Variants in CLN3 observed in about 807,000 individuals in gnomAD.
CLN3 encodes the protein CLN3 lysosomal/endosomal transmembrane protein, battenin.
CLN3 carries 49 observed loss-of-function variants against 60.7 expected under a neutral mutation model. The ratio of observed to expected loss-of-function variants is 0.81; its 90% CI spans 0.64 to 1.02. The LOEUF (loss-of-function observed/expected upper bound fraction) is 1.02, where lower values mean the gene tolerates loss of function less well. CLN3 is among the 50% of genes least tolerant of loss of function. The pLI is 0.00. For synonymous variants in CLN3, 256 were observed against 245.8 expected, an observed-to-expected ratio of 1.04 and a Z score of -0.39; for missense variants, 516 against 557.4, an observed-to-expected ratio of 0.93 and a Z score of 0.75.
Position 28,489,394 on chromosome 16 carries a change from G to T in CLN3, c.126-8C>A. 3 of 1,601,206 alleles carry T rather than the reference G, an allele frequency of 1.9e-6. No individual in the cohort carries two copies. Among genetic ancestry groups the T allele is most frequent in the Non-Finnish European group, 1.7e-6 (2 of 1,171,978 alleles). On this transcript the variant is annotated splice_region_variant and splice_polypyrimidine_tract_variant and intron_variant, in intron 3 of 15. Transcript: ENST00000636147. ...TTGCAAAGGCCCAGCAGCCTGGAAG[G>T]AGCAGGACAGGTCTCAACTCCCTCC... is the stretch of plus-strand genomic sequence containing the variant.
rs1179716299 is a variant in CLN3, at chr16:28,488,326, T to TATATATA, written c.294+264_294+265insTATATAT. 948 of 186,938 alleles carry TATATATA rather than the reference T, an allele frequency of 5.1e-3. 9 individuals are homozygous for TATATATA. The highest frequency in any genetic ancestry group is 0.019 in the African/African-American group (800 of 42,156). The allele number at this position is 186,938 out of a possible 1,614,324, so 11.6% of individuals were successfully genotyped here. ...AAATTATATTAAGGTCTCAATTATT[T>TATATATA]TATATATATATATTTTTTAATTTTT... is the stretch of plus-strand genomic sequence containing the variant. On this transcript the variant is annotated intron_variant, in intron 5 of 15. Transcript: ENST00000636147.
At chr16:28,482,257 C>G in intron 13 of CLN3, 59 bp from the exon 14 acceptor site, 1 of 1,602,558 alleles carries the variant, frequency 6.2e-7, no homozygotes, top group East Asian at 2.2e-5. Flanking sequence ...CCGCTCCCCC[C>G]GGTGCCTACT....
At position 28,484,031 on chromosome 16, in the gene CLN3, T is replaced by G; in HGVS notation, c.765A>C (p.Arg255Ser). The G allele has an allele frequency of 6.2e-7, 1 of 1,611,562 alleles. No individual in the cohort carries two copies. Among genetic ancestry groups the G allele is most frequent in the Non-Finnish European group, 8.5e-7 (1 of 1,178,976 alleles). Residue 255 changes from arginine (R) to serine (S), a missense_variant, in exon 10 of 16, where the codon AGA (arginine) becomes AGC (serine). Arg to Ser is a moderately radical substitution (Grantham distance 110). Coordinates refer to ENST00000636147, the MANE Select transcript of CLN3 (RefSeq NM_001042432.2). ...CTGGCTTCGACTCCGGGGCCTCGGT[T>G]CTTATGAGGGGCTGCCGGGCTGCGC... ...AESAARQPLI[R>S]TEAPESKPGS...
At chr16:28,487,220 GTCT>G in intron 7 of CLN3, 1 of 604,632 alleles carries the variant, frequency 1.7e-6, no homozygotes, top group South Asian at 1.9e-5. Context: ...CCATCACAGA[GTCT>G]TGACTTTGTT....
chr16:28,486,859 G>A (rs2141713319), intron 7 of CLN3: 2 of 637,284 alleles, frequency 3.1e-6, no homozygotes, highest in South Asian at 1.7e-5. Flanking sequence ...CCAGTTATCA[G>A]ACCAGGGGCA....
downstream of CLN3, chr16:28,476,632 G>A (rs1156795710): frequency 6.6e-6 from 1 of 152,160 alleles, no homozygotes; most frequent in Non-Finnish European, 1.5e-5. Context: ...ATGGAACAGT[G>A]AATACATAGA....
At chr16:28,478,896 T>C (rs1468228620) in intron 14 of CLN3, among the ~76,000 whole-genome samples, 3 of 152,138 alleles carry the variant, frequency 2.0e-5, no homozygotes, top group Admixed American at 1.3e-4. Context: ...AAACCGTTGG[T>C]TCACTATGGT....
chr16:28,491,776 C>A lies in CLN3; in HGVS notation c.-17G>T, dbSNP rs770428655. 1 of 1,613,184 alleles carries A rather than the reference C, an allele frequency of 6.2e-7. No individual in the cohort carries two copies. Among genetic ancestry groups the A allele is most frequent in the Non-Finnish European group, 8.5e-7 (1 of 1,179,992 alleles). ...GCCTCCCATCGCATCAAGTTCAGGT[C>A]CCCCGAGGGTCCAGGGTCATAGAGT... On this transcript the variant is annotated 5_prime_UTR_variant, in exon 2 of 16. Transcript: ENST00000636147.
At chr16:28,489,637 G>A (rs1049318443) in intron 3 of CLN3, among the ~76,000 whole-genome samples, 2 of 152,134 alleles carry the variant, frequency 1.3e-5, no homozygotes, top group African/African-American at 2.4e-5. Flanking sequence ...TGTAGTCCCA[G>A]CTACTTGGGA....
intron 1 of CLN3, 57 bp downstream of exon 1, chr16:28,491,962 GC>G: frequency 1.5e-6 from 1 of 664,848 alleles, no homozygotes; most frequent in Non-Finnish European, 2.6e-6. Context: ...GACCCACCAC[GC>G]CCCACCCATC....
chr16:28,482,449 C>G, intron 12 of CLN3, 28 bp downstream of exon 12: 2 of 1,614,030 alleles, frequency 1.2e-6, no homozygotes, highest in Non-Finnish European at 1.7e-6. Context: ...TCGCCACCTC[C>G]ACACCCCTCC....
In CLN3 at chr16:28,482,395, C is replaced by T; in HGVS notation, c.907-13G>A. The T allele has an allele frequency of 6.2e-7, 1 of 1,614,058 alleles. No individual in the cohort carries two copies. Among genetic ancestry groups the T allele is most frequent in the Non-Finnish European group, 8.5e-7 (1 of 1,180,012 alleles). The stretch of plus-strand genomic sequence containing the variant: ...AGAGGAGTTCAAACTGCAACAAATA[C>T]CAGACAGGGGAGATGGACGGGGCTG... On this transcript the variant is annotated splice_polypyrimidine_tract_variant and intron_variant, in intron 12 of 15. Coordinates refer to ENST00000636147, the MANE Select transcript of CLN3 (RefSeq NM_001042432.2).
chr16:28,484,887 T>G (rs996005145), intron 9 of CLN3: 4 of 152,144 alleles, frequency 2.6e-5, no homozygotes, highest in East Asian at 1.9e-4. Flanking sequence ...TTTTTCTACT[T>G]AGACTTGTCC....
rs141326377 is a variant in CLN3 at position 28,478,179 on chromosome 16, T to C, written c.1057-302A>G. Among the ~76,000 whole-genome samples the C allele has an allele frequency of 8.1e-3, 1,225 of 151,612 alleles. 15 individuals are homozygous for C. Among genetic ancestry groups the C allele is most frequent in the African/African-American group, 0.026 (1,065 of 41,316 alleles). ...ACAAAAATTATCTGGGTGTAGTGGT[T>C]CTGTAGTCCCAGCTACTTGGAAGGC... On this transcript the variant is annotated intron_variant, in intron 14 of 15. Transcript: ENST00000636147.
intron 5 of CLN3, 103 bp downstream of exon 5, chr16:28,488,487 GT>G: frequency 5.7e-6 from 6 of 1,058,438 alleles, no homozygotes; most frequent in Non-Finnish European, 8.7e-6. Context: ...GGTCTCAACT[GT>G]TTTAATCATG....
At chr16:28,476,037 C>T (rs891361817), downstream of CLN3, 5 of 152,066 alleles carry the variant, frequency 3.3e-5, no homozygotes, top group Middle Eastern at 3.4e-3. Context: ...AGGTGCAAGC[C>T]ACCACACCTG....
chr16:28,483,930 T>C, intron 10 of CLN3, 76 bp downstream of exon 10: 1 of 996,470 alleles, frequency 1.0e-6, no homozygotes, highest in East Asian at 2.6e-5. Context: ...CCCTCTTAAC[T>C]TTGCCTATTG....
At chr16:28,483,976 G>A (rs1367079563) in intron 10 of CLN3, 30 bp downstream of exon 10, 1 of 1,511,352 alleles carries the variant, frequency 6.6e-7, no homozygotes, top group Non-Finnish European at 9.1e-7. Flanking sequence ...GAGAAAGAAA[G>A]TGACCTCTCT....
At position 28,491,774 on chromosome 16, in the gene CLN3, G is replaced by C; in HGVS notation, c.-15C>G. ...CAGCCTCCCATCGCATCAAGTTCAG[G>C]TCCCCCGAGGGTCCAGGGTCATAGA... On this transcript the variant is annotated 5_prime_UTR_variant, in exon 2 of 16. Transcript: ENST00000636147. 1 of 1,613,406 alleles carries C rather than the reference G, an allele frequency of 6.2e-7. No homozygotes were observed.
Sources: gnomAD v4.1 joint callset for allele counts (sites outside exome capture counted in the v4.1 genomes callset) on GRCh38, gnomAD v4.1.1 for gene constraint, MANE v1.5 for transcripts, NCBI Gene and HGNC (gene_info 2026-07-23, HGNC 2026-07-21) for gene names.